The following NDE1 variants were observed in gnomAD, a reference collection of about 807,000 sequenced individuals.
The protein encoded by NDE1 is nuclear distribution protein nudE homolog 1.
A neutral mutation model predicts 43.4 loss-of-function variants in NDE1; 28 were observed. The observed-to-expected ratio is 0.65, with a 90% confidence interval of 0.48 to 0.89. The LOEUF (loss-of-function observed/expected upper bound fraction) is 0.89, where lower values mean the gene tolerates loss of function less well. Ranked by LOEUF, NDE1 falls within the 40% of genes least tolerant of loss-of-function variation. The pLI, the probability that NDE1 is intolerant of heterozygous loss-of-function variation, is 0.00. For missense variants in NDE1, 441 were observed against 434.1 expected (o/e 1.02, Z -0.14); for synonymous variants, 184 against 172.0 (o/e 1.07, Z -0.55).
chr16:15,688,633 CAAAAAAAA>C (rs35767829), intron 5 of NDE1, among the ~76,000 whole-genome samples: 8 of 37,450 alleles, frequency 2.1e-4, no homozygotes, highest in African/African-American at 5.3e-4. Context: ...ACTCTTGTCT[CAAAAAAAA>C]AAAAAAAAAA....
chr16:15,662,185 T>TG (rs2037078992), intron 1 of NDE1, among the ~76,000 whole-genome samples: 1 of 152,170 alleles, frequency 6.6e-6, no homozygotes, highest in African/African-American at 2.4e-5. Flanking sequence ...GTGGTCCTCT[T>TG]GCCTTGGCCT....
intron 8 of NDE1, among the ~76,000 whole-genome samples, chr16:15,705,736 CT>C (rs973010814): frequency 6.6e-6 from 1 of 152,076 alleles, no homozygotes; most frequent in Non-Finnish European, 1.5e-5. Flanking sequence ...AATCTCAGCA[CT>C]TTGGGAGGCT....
In NDE1 at chr16:15,703,709, C is replaced by G. The variant is rs539509719; in HGVS notation, c.947+6849C>G. On this transcript the variant is annotated intron_variant, in intron 8 of 8. Coordinates refer to ENST00000396354, the MANE Select transcript of NDE1 (RefSeq NM_017668.3). ...GCTGGAGCGTTCTTCCTGGCTCAGC[C>G]TCCCTAGTAGCTGGGACCACAGGTG... 21 of 467,688 alleles carry G rather than the reference C, an allele frequency of 4.5e-5. No individual in the cohort carries two copies. In the East Asian group the frequency reaches 7.2e-4, roughly 16 times the overall value. The allele number at this position is 467,688 out of a possible 1,614,324, so 29.0% of individuals were successfully genotyped here.
chr16:15,707,468 C>A (rs1241737597), intron 8 of NDE1, among the ~76,000 whole-genome samples: 1 of 152,204 alleles, frequency 6.6e-6, no homozygotes, highest in African/African-American at 2.4e-5. Flanking sequence ...TGGAATTTGG[C>A]TTATCCTATG....
chr16:15,646,536 G>A (rs563437544), upstream of NDE1, among the ~76,000 whole-genome samples: 1 of 151,300 alleles, frequency 6.6e-6, no homozygotes, highest in African/African-American at 2.4e-5. Context: ...AGCCGAGATC[G>A]TGCCACTGCA....
At chr16:15,689,343 A>G (rs2038610829) in intron 5 of NDE1, among the ~76,000 whole-genome samples, 1 of 152,106 alleles carries the variant, frequency 6.6e-6, no homozygotes, top group Non-Finnish European at 1.5e-5. Flanking sequence ...GAAAATTGTA[A>G]AAATTAGGCC....
intron 4 of NDE1, among the ~76,000 whole-genome samples, chr16:15,679,979 A>G (rs1022864340): frequency 2.0e-5 from 3 of 152,042 alleles, no homozygotes; most frequent in South Asian, 2.1e-4. Flanking sequence ...GGATTTCACC[A>G]TGTTGGCCAA....
intron 4 of NDE1, chr16:15,687,055 T>C: frequency 8.2e-7 from 1 of 1,225,886 alleles, no homozygotes; most frequent in Non-Finnish European, 1.0e-6. Flanking sequence ...AGATGGAGCA[T>C]AGTGGTCTTC....
chr16:15,659,425 CTTTTTTTTTTTTTT>C (rs35091023), intron 1 of NDE1, among the ~76,000 whole-genome samples: 5 of 58,908 alleles, frequency 8.5e-5, no homozygotes, highest in African/African-American at 1.4e-4. Flanking sequence ...TGCACACAAT[CTTTTTTTTTTTTTT>C]TTTTTTTTTT....
intron 1 of NDE1, among the ~76,000 whole-genome samples, chr16:15,663,005 T>A (rs1409694109): frequency 2.0e-5 from 3 of 152,264 alleles, no homozygotes; most frequent in Admixed American, 2.0e-4. Flanking sequence ...CACATCACTC[T>A]CTTCCCTAAC....
At position 15,715,180 on chromosome 16, in the gene NDE1, T is replaced by C; in HGVS notation, c.948-9011T>C. ...AGGGGCTACCTGCTCCTTGTACTGC[T>C]CGGCCATCTTGCGCTCGTCCTCCAC... On this transcript the variant is annotated intron_variant, in intron 8 of 8. Transcript: ENST00000396354. The C allele has an allele frequency of 3.1e-6, 5 of 1,613,858 alleles. No homozygotes were observed. Among genetic ancestry groups the C allele is most frequent in the Non-Finnish European group, 4.2e-6 (5 of 1,180,014 alleles).
At chr16:15,712,228 G>A (rs1327831559) in intron 8 of NDE1, among the ~76,000 whole-genome samples, 2 of 152,172 alleles carry the variant, frequency 1.3e-5, no homozygotes, top group Non-Finnish European at 2.9e-5. Context: ...ATGTGGGAAC[G>A]GGAGGGTGGT....
Position 15,724,923 on chromosome 16 carries a change from C to T in NDE1, c.*672C>T, listed in dbSNP as rs7196804. The T allele has an allele frequency of 6.9e-4, 1,121 of 1,614,162 alleles. 2 individuals are homozygous for T. The highest frequency in any genetic ancestry group is 5.7e-3 in the African/African-American group (428 of 75,056). ...TGGAGCTGGGAACTGAGGGACGCCA[C>T]GTCCTTGGCCAGCTTAATGGCCTTC... On this transcript the variant is annotated 3_prime_UTR_variant, in exon 9 of 9. Coordinates refer to ENST00000396354, the MANE Select transcript of NDE1 (RefSeq NM_017668.3).
intron 8 of NDE1, among the ~76,000 whole-genome samples, chr16:15,705,597 C>G (rs956709111): frequency 6.6e-6 from 1 of 152,152 alleles, no homozygotes; most frequent in East Asian, 1.9e-4. Flanking sequence ...TTTAGGACAT[C>G]AAAGAAGAGA....
In NDE1 at chr16:15,724,739, C is replaced by T. The variant is rs755408359; in HGVS notation, c.*488C>T. 1.4e-5 allele frequency: 22 copies of T among 1,614,082 alleles called. 1 individual carries two copies. The East Asian group carries it at 2.7e-4, about 20-fold the overall frequency. ...TCTTGCAGGCTGTTCCGCTCCTCCT[C>T]CAGCTGGCGCAGCTTCGTAGACACG... On this transcript the variant is annotated 3_prime_UTR_variant, in exon 9 of 9. Coordinates refer to ENST00000396354, the MANE Select transcript of NDE1 (RefSeq NM_017668.3).
At chr16:15,716,274 C>T (rs1567685951) in intron 8 of NDE1, among the ~76,000 whole-genome samples, 1 of 152,046 alleles carries the variant, frequency 6.6e-6, no homozygotes, top group South Asian at 2.1e-4. Context: ...CTCAAAATGA[C>T]TGTGGTGATC....
At chr16:15,664,579 TCTC>T (rs1181257867) in intron 1 of NDE1, among the ~76,000 whole-genome samples, 154 bp from the exon 2 acceptor site, 1 of 151,868 alleles carries the variant, frequency 6.6e-6, no homozygotes, top group Non-Finnish European at 1.5e-5. Flanking sequence ...GTGGTCTCGA[TCTC>T]CTGACCTCGT....
chr16:15,682,711 A>T (rs2038244773), intron 4 of NDE1, among the ~76,000 whole-genome samples: 1 of 152,074 alleles, frequency 6.6e-6, no homozygotes, highest in East Asian at 1.9e-4. Context: ...TCTTTTCATA[A>T]GTTTTTCATT....
intron 4 of NDE1, chr16:15,686,846 A>G (rs936953788): frequency 2.3e-6 from 1 of 439,256 alleles, no homozygotes; most frequent in South Asian, 9.6e-5. Flanking sequence ...ATTACACTAC[A>G]ACTGGCTAAT....
Sources: allele counts gnomAD v4.1 joint callset (sites outside exome capture counted in the v4.1 genomes callset), GRCh38; gene constraint gnomAD v4.1.1; transcripts MANE v1.5; gene names NCBI Gene and HGNC (gene_info 2026-07-23, HGNC 2026-07-21).